Variants in DAPK2 observed in about 807,000 individuals in gnomAD.
DAPK2 encodes death associated protein kinase 2.
Under a neutral mutation model 44.1 loss-of-function variants are expected in DAPK2, and 35 were observed. That is an observed-to-expected ratio of 0.79 (90% CI 0.61 to 1.05). The LOEUF (loss-of-function observed/expected upper bound fraction) is 1.05, where lower values mean the gene tolerates loss of function less well. Among genes scored for constraint, DAPK2 ranks in the 50% least tolerant of loss-of-function variants. DAPK2 has a pLI of 0.00. For synonymous variants in DAPK2, 174 were observed against 182.6 expected (o/e 0.95, Z 0.38); for missense variants, 453 against 483.2 (o/e 0.94, Z 0.59).
chr15:63,941,490 T>C (rs2077305839), intron 3 of DAPK2, among the ~76,000 whole-genome samples: 1 of 152,206 alleles, frequency 6.6e-6, no homozygotes, highest in Admixed American at 6.5e-5. Context: ...AGGGTGACCC[T>C]AGCTGTTAGC....
intron 3 of DAPK2, among the ~76,000 whole-genome samples, chr15:63,962,928 A>G (rs2077952007): frequency 6.6e-6 from 1 of 152,222 alleles, no homozygotes; most frequent in African/African-American, 2.4e-5. Flanking sequence ...CCTTTTATTC[A>G]GCTATGCCGT....
At chr15:63,926,323 C>T (rs1392127917) in intron 6 of DAPK2, 20 of 443,636 alleles carry the variant, frequency 4.5e-5, no homozygotes, top group African/African-American at 4.1e-5. Flanking sequence ...GTGTCTTCAA[C>T]GGACTCAAAA....
At chr15:63,944,315 G>C (rs1010202884) in intron 3 of DAPK2, among the ~76,000 whole-genome samples, 6 of 152,100 alleles carry the variant, frequency 3.9e-5, no homozygotes, top group African/African-American at 1.2e-4. Flanking sequence ...TGCCCTGATT[G>C]GGAGTAAACA....
At chr15:64,004,208 T>C (rs550502847) in intron 1 of DAPK2, among the ~76,000 whole-genome samples, 1 of 152,346 alleles carries the variant, frequency 6.6e-6, no homozygotes, top group Non-Finnish European at 1.5e-5. Flanking sequence ...GTCTGGATTT[T>C]ATTGGCCACT....
rs1301973812 is a variant in DAPK2, at chr15:63,933,499, T to C, written c.584-3044A>G. Among the ~76,000 whole-genome samples the C allele has an allele frequency of 2.0e-5, 3 of 152,064 alleles. No homozygotes were observed. The East Asian group carries it at 5.8e-4, about 29-fold the overall frequency. On this transcript the variant is annotated intron_variant, in intron 4 of 10. Coordinates refer to ENST00000261891, the Ensembl canonical transcript of DAPK2. Reference sequence around the variant, plus strand: ...CTCAGGTGATCCACGCCTCTCAGCCTCCCAAAGTGCTGGGATTACAGGCGT... The same window carrying C: ...CTCAGGTGATCCACGCCTCTCAGCCCCCCAAAGTGCTGGGATTACAGGCGT...
At chr15:64,007,016 T>C (rs74021227) in intron 1 of DAPK2, among the ~76,000 whole-genome samples, 6,096 of 152,228 alleles carry the variant, frequency 0.04, 411 homozygotes, top group African/African-American at 0.14. Flanking sequence ...CTAAAGGCAG[T>C]GGTGGGCCCA....
At chr15:64,001,428 C>T (rs2079082610) in intron 1 of DAPK2, among the ~76,000 whole-genome samples, 2 of 152,144 alleles carry the variant, frequency 1.3e-5, no homozygotes, top group Admixed American at 6.5e-5. Context: ...TCACAATATA[C>T]ATTTTCTCTC....
intron 1 of DAPK2, 143 bp downstream of exon 2, chr15:64,040,027 G>A (rs2080311184): frequency 1.1e-5 from 7 of 636,334 alleles, no homozygotes; most frequent in East Asian, 5.4e-5. Flanking sequence ...AGTCACCCAG[G>A]CAGGTGAATA....
rs2078918597 is a variant in DAPK2, at chr15:63,916,064, G to C, written c.859-3867C>G. On this transcript the variant is annotated intron_variant, in intron 8 of 10. Coordinates refer to ENST00000261891, the Ensembl canonical transcript of DAPK2. This position sits in a 1 kb window ranked among gnomAD's most constrained non-coding sequence, Gnocchi z 4.7. ...TCCATCCGTGATACCAGGGAGCCCT[G>C]GGTGATTCTGACCAGGCTCCTAGGA... is the stretch of plus-strand genomic sequence containing the variant. 1 of 152,078 alleles carries C rather than the reference G, an allele frequency of 6.6e-6. No homozygotes were observed. The highest frequency in any genetic ancestry group is 1.5e-5 in the Non-Finnish European group (1 of 68,060). The allele number at this position is 152,078 out of a possible 1,614,324, so 9.4% of individuals were successfully genotyped here.
At chr15:64,042,967 G>C (rs117453074), upstream of DAPK2, among the ~76,000 whole-genome samples, 24 of 152,156 alleles carry the variant, frequency 1.6e-4, no homozygotes, top group African/African-American at 5.6e-4. The surrounding 1 kb of genome is among the most constrained non-coding windows in gnomAD (Gnocchi z 4.7). Context: ...TTTAGGGTTC[G>C]AGTTGATCAT....
At chr15:63,988,678 C>A (rs1482966176) in intron 1 of DAPK2, among the ~76,000 whole-genome samples, 1 of 151,318 alleles carries the variant, frequency 6.6e-6, no homozygotes, top group African/African-American at 2.4e-5. Context: ...TAATTTTTTT[C>A]TATTTTTAGT....
intron 1 of DAPK2, among the ~76,000 whole-genome samples, chr15:64,002,986 G>GGGA: frequency 6.8e-6 from 1 of 148,050 alleles, no homozygotes; most frequent in African/African-American, 2.5e-5. Context: ...GTGTGTGTGT[G>GGGA]TGTGTGTGTG....
intron 2 of DAPK2, among the ~76,000 whole-genome samples, chr15:63,981,129 C>G (rs1436843144): frequency 6.6e-6 from 1 of 150,918 alleles, no homozygotes; most frequent in Non-Finnish European, 1.5e-5. Context: ...TATGAGGGCT[C>G]TGTCCTTATG....
At chr15:63,969,018 C>T (rs911314717) in intron 3 of DAPK2, among the ~76,000 whole-genome samples, 4 of 152,192 alleles carry the variant, frequency 2.6e-5, no homozygotes, top group African/African-American at 9.7e-5. Context: ...GCTGTTACTA[C>T]CCTGAGGTCC....
intron 2 of DAPK2, among the ~76,000 whole-genome samples, chr15:63,979,698 A>C (rs1230367118): frequency 1.3e-5 from 2 of 152,144 alleles, no homozygotes; most frequent in Admixed American, 1.3e-4. Context: ...GGATCACTGG[A>C]GGCCAGGAGT....
intron 2 of DAPK2, among the ~76,000 whole-genome samples, chr15:63,972,808 A>C (rs928319425): frequency 2.0e-5 from 3 of 152,226 alleles, no homozygotes; most frequent in Admixed American, 2.0e-4. Context: ...CAGCCTCCTC[A>C]TATTGGAAAA....
At chr15:63,911,797 C>T (rs2078799396) in intron 10 of DAPK2, 111 bp downstream of exon 11, 1 of 1,087,610 alleles carries the variant, frequency 9.2e-7, no homozygotes, top group Non-Finnish European at 1.4e-6. Context: ...GCAGAACTGG[C>T]TGGAAACAGT....
chr15:63,930,375 G>T (rs201229594), intron 5 of DAPK2, 32 bp downstream of exon 6: 2 of 1,611,468 alleles, frequency 1.2e-6, no homozygotes, highest in Non-Finnish European at 1.7e-6. Flanking sequence ...TGGAAGGATC[G>T]CTAGGTCACC....
Position 63,980,840 on chromosome 15 carries a change from A to G in DAPK2, c.314+2693T>C, listed in dbSNP as rs1424822923. Among the ~76,000 whole-genome samples, 1 of 152,208 alleles carries G rather than the reference A, an allele frequency of 6.6e-6. No individual in the cohort carries two copies. The highest frequency in any genetic ancestry group is 2.4e-5 in the African/African-American group (1 of 41,454). On this transcript the variant is annotated intron_variant, in intron 2 of 10. Coordinates refer to ENST00000261891, the Ensembl canonical transcript of DAPK2. This position sits in a 1 kb window ranked among gnomAD's most constrained non-coding sequence, Gnocchi z 4.3. ...TGCGGTGGCTCACGCCTGTAATCCC[A>G]ACGCTTTGGGAGGCCAAGGCAGGCG...
Sources: gnomAD v4.1 joint callset for allele counts (sites outside exome capture counted in the v4.1 genomes callset) on GRCh38, gnomAD v4.1.1 for gene constraint, Gnocchi (gnomAD v3.1) non-coding constraint, MANE v1.5 for transcripts, NCBI Gene and HGNC (gene_info 2026-07-23, HGNC 2026-07-21) for gene names.